ST6GALNAC2: variants seen among roughly 807,000 people sequenced by gnomAD.
ST6GALNAC2 encodes the protein ST6 N-acetylgalactosaminide alpha-2,6-sialyltransferase 2.
A neutral mutation model predicts 38.7 loss-of-function variants in ST6GALNAC2; 42 were observed. The observed-to-expected ratio is 1.09, with a 90% CI of 0.85 to 1.40. The LOEUF (loss-of-function observed/expected upper bound fraction) is 1.40, where lower values mean the gene tolerates loss of function less well. ST6GALNAC2 is among the 40% of genes most tolerant of loss of function. ST6GALNAC2 has a pLI of 0.00. For synonymous variants in ST6GALNAC2, 233 were observed against 209.0 expected, an observed-to-expected ratio of 1.11 and a Z score of -0.99; for missense variants, 506 against 481.7, an observed-to-expected ratio of 1.05 and a Z score of -0.47.
Position 76,566,378 on chromosome 17 carries a change from G to A in ST6GALNAC2, c.958-107C>T, listed in dbSNP as rs1252037499. ...AAAGGTGTCCGTCTGCTGAGGTGAG[G>A]ATAATGGTCTAGGGCTTATTCCCAC... On this transcript the variant is annotated intron_variant, in intron 8 of 8. Transcript: ENST00000225276. The A allele has an allele frequency of 1.4e-5, 17 of 1,236,826 alleles. No homozygotes were observed. In the Middle Eastern group the frequency reaches 7.7e-4, roughly 56 times the overall value. 76.6% of individuals were successfully genotyped at this position (1,236,826 alleles called of 1,614,324 possible). A position where few individuals can be genotyped will look rare whatever the true frequency, so the allele number is the denominator to read the frequency against.
intron 8 of ST6GALNAC2, 46 bp from the exon 9 acceptor site, chr17:76,566,317 G>A (rs868514249): frequency 3.8e-6 from 6 of 1,593,954 alleles, no homozygotes; most frequent in Middle Eastern, 3.3e-4. Flanking sequence ...AGCGTCTAGT[G>A]TGTACAGACA....
intron 1 of ST6GALNAC2, among the ~76,000 whole-genome samples, chr17:76,585,385 T>A (rs552523510): frequency 1.3e-5 from 2 of 152,332 alleles, no homozygotes; most frequent in South Asian, 4.1e-4. Context: ...AAAGTGTACT[T>A]ATCAGGCCGG....
rs2075379503 is a variant in ST6GALNAC2 at position 76,573,594 on chromosome 17, A to G, written c.362-231T>C. Among the ~76,000 whole-genome samples the G allele has an allele frequency of 6.6e-6, 1 of 152,116 alleles. No individual in the cohort carries two copies. Among genetic ancestry groups the G allele is most frequent in the Admixed American group, 6.5e-5 (1 of 15,278 alleles). On this transcript the variant is annotated intron_variant, in intron 3 of 8. Transcript: ENST00000225276. The surrounding 1 kb of genome is among the most constrained non-coding windows in gnomAD (Gnocchi z 5.1). ...CTTGTCTTAAGAACTTGAATACCTT[A>G]TCTTCTTAAGACTGGTGCTAGAGAA...
chr17:76,575,461 G>A (rs1031356520), intron 2 of ST6GALNAC2, among the ~76,000 whole-genome samples: 5 of 152,124 alleles, frequency 3.3e-5, no homozygotes, highest in South Asian at 2.1e-4. Context: ...AAGAGGCCGG[G>A]TGATGATGAA....
At chr17:76,576,618 C>T (rs2075418497) in intron 2 of ST6GALNAC2, among the ~76,000 whole-genome samples, 1 of 152,026 alleles carries the variant, frequency 6.6e-6, no homozygotes, top group African/African-American at 2.4e-5. Context: ...CTACATGGCT[C>T]TGCTGAGTTG....
At chr17:76,580,728 AAAG>A (rs923999709) in intron 1 of ST6GALNAC2, among the ~76,000 whole-genome samples, 8 of 151,466 alleles carry the variant, frequency 5.3e-5, no homozygotes, top group Non-Finnish European at 1.2e-4. Flanking sequence ...TCAAAAAAAA[AAAG>A]AGTGAAAGTT....
intron 1 of ST6GALNAC2, among the ~76,000 whole-genome samples, chr17:76,585,185 G>T (rs1016782178): frequency 1.3e-5 from 2 of 152,206 alleles, no homozygotes; most frequent in Non-Finnish European, 2.9e-5. Flanking sequence ...GAGCGGGCGC[G>T]GGGCGGACAG....
chr17:76,570,280 C>T, intron 6 of ST6GALNAC2: 1 of 435,016 alleles, frequency 2.3e-6, no homozygotes, highest in Non-Finnish European at 4.3e-6. Context: ...GCCAGACCTG[C>T]TCACCCCATT....
intron 2 of ST6GALNAC2, among the ~76,000 whole-genome samples, chr17:76,577,136 AGCTAACT>A (rs1440276418): frequency 7.1e-6 from 1 of 141,488 alleles, no homozygotes; most frequent in African/African-American, 2.7e-5. Flanking sequence ...GCATGATCTC[AGCTAACT>A]GCAACCTCCA....
intron 4 of ST6GALNAC2, among the ~76,000 whole-genome samples, 155 bp from the exon 5 acceptor site, chr17:76,572,930 C>CA (rs1174730376): frequency 6.6e-6 from 1 of 152,168 alleles, no homozygotes; most frequent in Admixed American, 6.5e-5. Context: ...ACCAGACCCC[C>CA]ACTCCTCCAG....
At chr17:76,567,280 C>T (rs565505780) in intron 8 of ST6GALNAC2, among the ~76,000 whole-genome samples, 173 bp downstream of exon 8, 1 of 152,240 alleles carries the variant, frequency 6.6e-6, no homozygotes, top group East Asian at 1.9e-4. Flanking sequence ...CTTCAAAGGC[C>T]CCAGGGTTGT....
intron 6 of ST6GALNAC2, chr17:76,570,074 CTG>C (rs2075336023): frequency 6.1e-6 from 1 of 165,220 alleles, no homozygotes; most frequent in Non-Finnish European, 1.3e-5. Flanking sequence ...TCTCAGGACA[CTG>C]GGCCTCGAGT....
In ST6GALNAC2 at chr17:76,585,671, C is replaced by G; in HGVS notation, c.125+13G>C. 6.6e-7 allele frequency: 1 copy of G among 1,520,802 alleles called. No homozygotes were observed. Among genetic ancestry groups the G allele is most frequent in the East Asian group, 2.6e-5 (1 of 38,678 alleles). The allele number at this position is 1,520,802 out of a possible 1,614,324, so 94.2% of individuals were successfully genotyped here. On this transcript the variant is annotated intron_variant, in intron 1 of 8. Coordinates refer to ENST00000225276, the MANE Select transcript of ST6GALNAC2 (RefSeq NM_006456.3). The stretch of plus-strand genomic sequence containing the variant: ...CCCCTGCGCCCTCCCGCTCTGCGCT[C>G]GGCAGCCCCTACCTGGCTCCGGCCG...
intron 1 of ST6GALNAC2, among the ~76,000 whole-genome samples, chr17:76,584,138 G>A (rs1168888923): frequency 6.6e-6 from 1 of 151,028 alleles, no homozygotes; most frequent in Non-Finnish European, 1.5e-5. Context: ...ATTTCAATAC[G>A]TGTATGTAAT....
intron 1 of ST6GALNAC2, chr17:76,580,934 AG>A (rs2075467956): frequency 6.6e-6 from 1 of 152,128 alleles, no homozygotes; most frequent in Non-Finnish European, 1.5e-5. Context: ...GAATCAGGGC[AG>A]AAGGAAAACA....
At chr17:76,569,693 C>T (rs2075330717) in intron 6 of ST6GALNAC2, 1 of 397,940 alleles carries the variant, frequency 2.5e-6, no homozygotes, top group South Asian at 1.3e-4. Context: ...CTGAGGCAGC[C>T]CCTAAGGGCC....
In ST6GALNAC2 at chr17:76,573,824, G is replaced by A. The variant is rs146076987; in HGVS notation, c.362-461C>T. Among the ~76,000 whole-genome samples, 1,036 of 152,336 alleles carry A rather than the reference G, an allele frequency of 6.8e-3. 10 individuals carry two copies. The highest frequency in any genetic ancestry group is 0.024 in the African/African-American group (991 of 41,578). ...GTGCCTAATCCCAGCTACTTGGGAG[G>A]CTGAGGCACAAGAATCACTTGAACC... On this transcript the variant is annotated intron_variant, in intron 3 of 8. Coordinates refer to ENST00000225276, the MANE Select transcript of ST6GALNAC2 (RefSeq NM_006456.3). The surrounding 1 kb of genome is among the most constrained non-coding windows in gnomAD (Gnocchi z 5.1).
At chr17:76,568,903 T>C in intron 6 of ST6GALNAC2, 107 bp from the exon 7 acceptor site, 2 of 1,049,004 alleles carry the variant, frequency 1.9e-6, no homozygotes, top group Non-Finnish European at 2.9e-6. Context: ...CCCTGAGCGG[T>C]AGGAGCGGGG....
Position 76,573,505 on chromosome 17 carries a change from A to T in ST6GALNAC2, c.362-142T>A. On this transcript the variant is annotated intron_variant, in intron 3 of 8. Transcript: ENST00000225276. The surrounding 1 kb of genome is among the most constrained non-coding windows in gnomAD (Gnocchi z 5.1). ...AAGAAGCACAGAGGGTGGGAGGGGA[A>T]GGAGATGTCTGTGGGGGGAGAATTG... 2 of 787,334 alleles carry T rather than the reference A, an allele frequency of 2.5e-6. No individual in the cohort carries two copies. Among genetic ancestry groups the T allele is most frequent in the Non-Finnish European group, 3.7e-6 (2 of 536,694 alleles). 48.8% of individuals were successfully genotyped at this position (787,334 alleles called of 1,614,324 possible).
Sources: allele counts gnomAD v4.1 joint callset (sites outside exome capture counted in the v4.1 genomes callset), GRCh38; gene constraint gnomAD v4.1.1; non-coding constraint Gnocchi (gnomAD v3.1); transcripts MANE v1.5; gene names NCBI Gene and HGNC (gene_info 2026-07-23, HGNC 2026-07-21).